PTPRT: variants seen among roughly 807,000 people sequenced by gnomAD.
PTPRT encodes the protein receptor-type tyrosine-protein phosphatase T.
PTPRT carries 56 observed loss-of-function variants against 176.8 expected under a neutral mutation model. That is an observed-to-expected ratio of 0.32 (90% confidence interval 0.26 to 0.40). The LOEUF is 0.40. Among genes scored for constraint, PTPRT ranks in the 10% least tolerant of loss-of-function variants. PTPRT has a pLI of 1.00. For synonymous variants in PTPRT, 783 were observed against 739.0 expected (o/e 1.06, Z -0.96); for missense variants, 1,540 against 1,908.2 (o/e 0.81, Z 3.60).
intron 1 of PTPRT, among the ~76,000 whole-genome samples, chr20:43,085,549 C>T (rs574059120): frequency 6.6e-6 from 1 of 152,216 alleles, no homozygotes; most frequent in African/African-American, 2.4e-5. Flanking sequence ...CTCACAGTTC[C>T]ACATGGCTTG....
At chr20:42,715,316 T>G (rs984110271) in intron 6 of PTPRT, among the ~76,000 whole-genome samples, 2 of 151,880 alleles carry the variant, frequency 1.3e-5, no homozygotes, top group Non-Finnish European at 2.9e-5. Flanking sequence ...AAATAAGGAG[T>G]AAAATGAACA....
chr20:42,722,845 A>C (rs1481120903), intron 6 of PTPRT, among the ~76,000 whole-genome samples: 32 of 152,200 alleles, frequency 2.1e-4, no homozygotes, highest in Admixed American at 2.1e-3. Context: ...TATGTGCACA[A>C]CACCCCAGAA....
intron 1 of PTPRT, among the ~76,000 whole-genome samples, chr20:43,144,217 C>A (rs1421552062): frequency 6.6e-6 from 1 of 152,196 alleles, no homozygotes; most frequent in Non-Finnish European, 1.5e-5. Context: ...TCACCAGACA[C>A]CCTGACCACA....
rs1366458329 is a variant in PTPRT, at chr20:42,161,386, C to G, written c.2648G>C (p.Arg883Thr). Reference sequence around the variant, plus strand: ...CTCCTTGAACCCGTAGCCCTGGCCTCTCTTCATCTGCGTGATGTGCTGCAG... The same window carrying G: ...CTCCTTGAACCCGTAGCCCTGGCCTGTCTTCATCTGCGTGATGTGCTGCAG... Reference protein sequence around the residue: ...DLLQHITQMKRGQGYGFKEEY... With the variant: ...DLLQHITQMKTGQGYGFKEEY... Residue 883 changes from arginine (R) to threonine (T), a missense_variant, in exon 17 of 31, where the codon AGA (arginine) becomes ACA (threonine). Physicochemically the swap from Arg to Thr is moderately conservative, Grantham distance 71. Coordinates refer to ENST00000373187, the MANE Select transcript of PTPRT (RefSeq NM_007050.6). 1.2e-6 allele frequency: 2 copies of G among 1,614,130 alleles called. No individual in the cohort carries two copies. The highest frequency in any genetic ancestry group is 1.7e-6 in the Non-Finnish European group (2 of 1,180,022).
chr20:42,745,680 C>A (rs752192637), intron 6 of PTPRT, among the ~76,000 whole-genome samples: 30 of 152,208 alleles, frequency 2.0e-4, no homozygotes, highest in Non-Finnish European at 3.5e-4. Context: ...TGAGTTTAGC[C>A]TAGCCTGGAA....
In PTPRT at chr20:43,086,862, A is replaced by T. The variant is rs187581422; in HGVS notation, c.88+102784T>A. ...GGTAAATGCCAGCAGAACTGGGTAT[A>T]AGAGATGTGCCTATTAAGGAATGTC... is the stretch of plus-strand genomic sequence containing the variant. On this transcript the variant is annotated intron_variant, in intron 1 of 30. Transcript: ENST00000373187. Among the ~76,000 whole-genome samples, 557 of 152,326 alleles carry T rather than the reference A, an allele frequency of 3.7e-3. 4 individuals carry two copies. Among genetic ancestry groups the T allele is most frequent in the Middle Eastern group, 0.024 (7 of 294 alleles).
intron 16 of PTPRT, among the ~76,000 whole-genome samples, chr20:42,165,592 G>T (rs960689551): frequency 6.6e-6 from 1 of 152,250 alleles, no homozygotes; most frequent in African/African-American, 2.4e-5. Flanking sequence ...CACAACAATG[G>T]AAGTGTTCTA....
chr20:42,585,360 G>A (rs1274747946), intron 7 of PTPRT, among the ~76,000 whole-genome samples: 1 of 152,114 alleles, frequency 6.6e-6, no homozygotes, highest in African/African-American at 2.4e-5. Flanking sequence ...TTTTCTTACT[G>A]ACTTGAAATA....
Position 42,181,367 on chromosome 20 carries a change from G to C in PTPRT, c.2491+17873C>G, listed in dbSNP as rs191585575. 1.1e-3 allele frequency among the ~76,000 whole-genome samples: 160 copies of C among 152,274 alleles called. 1 individual carries two copies. The highest frequency in any genetic ancestry group is 3.7e-3 in the African/African-American group (155 of 41,566). ...TTTTCCAGGGCTACACTGAGTGGTAGAGAGTCCAAGGAAGCCAGTATTTGG... is the reference window on the plus strand; with the variant it reads ...TTTTCCAGGGCTACACTGAGTGGTACAGAGTCCAAGGAAGCCAGTATTTGG... On this transcript the variant is annotated intron_variant, in intron 16 of 30. Transcript: ENST00000373187.
chr20:42,741,547 T>C (rs1339220325), intron 6 of PTPRT, among the ~76,000 whole-genome samples: 1 of 151,984 alleles, frequency 6.6e-6, no homozygotes, highest in Non-Finnish European at 1.5e-5. Flanking sequence ...GGTTTCACCA[T>C]GTTGGCCAGG....
rs573163088 is a variant in PTPRT, at chr20:43,166,161, AT to A, written c.88+23484del. On this transcript the variant is annotated intron_variant, in intron 1 of 30. Coordinates refer to ENST00000373187, the MANE Select transcript of PTPRT (RefSeq NM_007050.6). ...CCAACATGGAGAAACCCTATCTCTA[AT>A]AAAAATACAAAAATTAGCTGGGTAT... Among the ~76,000 whole-genome samples, 40 of 152,066 alleles carry A rather than the reference AT, an allele frequency of 2.6e-4. 1 individual carries two copies. In the East Asian group the frequency reaches 7.6e-3, roughly 29 times the overall value.
At chr20:42,613,265 G>A (rs561670954) in intron 7 of PTPRT, among the ~76,000 whole-genome samples, 6 of 152,310 alleles carry the variant, frequency 3.9e-5, no homozygotes, top group Non-Finnish European at 7.3e-5. Flanking sequence ...CTGAACAGCA[G>A]CTGTCCATAT....
chr20:42,252,089 T>C (rs1203043183), intron 13 of PTPRT, among the ~76,000 whole-genome samples: 3 of 152,178 alleles, frequency 2.0e-5, no homozygotes, highest in Non-Finnish European at 4.4e-5. Context: ...GAAATAGTTA[T>C]AGATAAAATC....
intron 7 of PTPRT, among the ~76,000 whole-genome samples, chr20:42,569,999 A>G (rs1418596592): frequency 6.6e-6 from 1 of 152,238 alleles, no homozygotes; most frequent in Non-Finnish European, 1.5e-5. Flanking sequence ...TAACTTGCCC[A>G]ACATTTTATA....
chr20:42,924,532 T>C (rs1979360720), intron 1 of PTPRT, among the ~76,000 whole-genome samples: 1 of 152,294 alleles, frequency 6.6e-6, no homozygotes, highest in East Asian at 1.9e-4. Flanking sequence ...CTAAACCCCA[T>C]ACAAACATCT....
intron 8 of PTPRT, among the ~76,000 whole-genome samples, chr20:42,469,467 T>C (rs575447858): frequency 1.3e-3 from 193 of 152,126 alleles, no homozygotes; most frequent in African/African-American, 4.3e-3. Flanking sequence ...CCTCCCAGAG[T>C]GCTGGGATTA....
At chr20:42,108,941 GTCTTTCTT>G (rs373540272) in intron 23 of PTPRT, among the ~76,000 whole-genome samples, 2 of 152,306 alleles carry the variant, frequency 1.3e-5, no homozygotes, top group Middle Eastern at 3.4e-3. Flanking sequence ...ATTTGCCATT[GTCTTTCTT>G]TCTTTCTCCC....
At chr20:43,001,112 G>T (rs1984531888) in intron 1 of PTPRT, among the ~76,000 whole-genome samples, 1 of 152,152 alleles carries the variant, frequency 6.6e-6, no homozygotes, top group African/African-American at 2.4e-5. Context: ...GGAGAAAAGA[G>T]AAGATGATCG....
chr20:42,973,189 G>A (rs1285555131), intron 1 of PTPRT, among the ~76,000 whole-genome samples: 2 of 151,974 alleles, frequency 1.3e-5, no homozygotes, highest in Non-Finnish European at 2.9e-5. Flanking sequence ...AAGGAAGAAT[G>A]AGGAATCGTG....
Sources: gnomAD v4.1 joint callset for allele counts (sites outside exome capture counted in the v4.1 genomes callset) on GRCh38, gnomAD v4.1.1 for gene constraint, MANE v1.5 for transcripts, NCBI Gene and HGNC (gene_info 2026-07-23, HGNC 2026-07-21) for gene names.